Variants in FAM193A observed in about 807,000 individuals in gnomAD.
The protein encoded by FAM193A is family with sequence similarity 193 member A, also known as protein FAM193A.
In FAM193A, 22 loss-of-function variants were observed where a neutral mutation model predicts 126.5. That is an observed-to-expected ratio of 0.17 (90% CI 0.12 to 0.25). FAM193A has a LOEUF of 0.25. FAM193A is among the 10% of genes least tolerant of loss of function. The pLI, the probability that FAM193A is intolerant of heterozygous loss-of-function variation, is 1.00. For missense variants in FAM193A, 1,675 were observed against 1,672.8 expected (o/e 1.00, Z -0.02); for synonymous variants, 761 against 646.8 (o/e 1.18, Z -2.68).
intron 19 of FAM193A, among the ~76,000 whole-genome samples, chr4:2,706,827 A>G (rs185771251): frequency 1.3e-5 from 2 of 151,472 alleles, no homozygotes; most frequent in East Asian, 3.9e-4. Flanking sequence ...GCCTGGCTCC[A>G]TTTAAAAAAA....
At position 2,601,637 on chromosome 4, in the gene FAM193A, C is replaced by T. The variant is rs528662248; in HGVS notation, c.501+5308C>T. Among the ~76,000 whole-genome samples, 15 of 151,190 alleles carry T rather than the reference C, an allele frequency of 9.9e-5. 1 individual carries two copies. Among genetic ancestry groups the T allele is most frequent in the East Asian group, 5.8e-4 (3 of 5,156 alleles). The stretch of plus-strand genomic sequence containing the variant: ...CAGCACAGTGGATCACACCTGTAAC[C>T]GTAGTCTTTGGGAGGCCGAAGCAGG... On this transcript the variant is annotated intron_variant, in intron 2 of 20. Transcript: ENST00000637812.
chr4:2,640,407 C>A (rs923103290), intron 6 of FAM193A, among the ~76,000 whole-genome samples: 1 of 152,164 alleles, frequency 6.6e-6, no homozygotes, highest in Non-Finnish European at 1.5e-5. Context: ...CAGTCACTCA[C>A]TGAGTATTTG....
intron 1 of FAM193A, among the ~76,000 whole-genome samples, chr4:2,564,234 C>T (rs1738797843): frequency 6.6e-6 from 1 of 151,994 alleles, no homozygotes; most frequent in South Asian, 2.1e-4. Context: ...GGCACCTCTA[C>T]CAACCTGGCT....
At chr4:2,651,475 C>G (rs904069659) in intron 7 of FAM193A, among the ~76,000 whole-genome samples, 2 of 152,154 alleles carry the variant, frequency 1.3e-5, no homozygotes, top group Non-Finnish European at 2.9e-5. Context: ...AGGCAAGGCA[C>G]GTCTTACACA....
At chr4:2,582,563 G>A (rs567660114) in intron 1 of FAM193A, among the ~76,000 whole-genome samples, 1 of 152,034 alleles carries the variant, frequency 6.6e-6, no homozygotes, top group African/African-American at 2.4e-5. Flanking sequence ...GTTTTCAGAA[G>A]TAAAGAAGTG....
rs369112103 is a variant in FAM193A, at chr4:2,700,251, C to T, written c.4079C>T (p.Ala1360Val). ...PARRPTEPPK[A>V]TEGQSKPRAQ... ...AGGAGGCCCACAGAGCCCCCCAAGG[C>T]CACAGAGGGGCAGTCCAAGCCCCGG... Residue 1360 changes from alanine (A) to valine (V), a missense_variant, in exon 19 of 21, where the codon GCC becomes GTC. Around this residue, in one of 4 missense-constraint regions of FAM193A, gnomAD observed 415 missense variants for 396.7 expected, o/e 1.05. Transcript: ENST00000637812. The T allele has an allele frequency of 1.5e-5, 24 of 1,614,040 alleles. No individual in the cohort carries two copies. Among genetic ancestry groups the T allele is most frequent in the East Asian group, 6.7e-5 (3 of 44,846 alleles).
intron 5 of FAM193A, among the ~76,000 whole-genome samples, chr4:2,637,966 T>C (rs1744250922): frequency 6.6e-6 from 1 of 152,248 alleles, no homozygotes; most frequent in Non-Finnish European, 1.5e-5. Context: ...TTAGGTTTTA[T>C]TAAAAATGCC....
At chr4:2,673,724 A>C (rs1395322662) in intron 13 of FAM193A, among the ~76,000 whole-genome samples, 1 of 152,180 alleles carries the variant, frequency 6.6e-6, no homozygotes. Context: ...TCTATTACCT[A>C]GTTCCAAGAA....
upstream of FAM193A, among the ~76,000 whole-genome samples, chr4:2,536,216 T>C (rs1736862331): frequency 6.6e-6 from 1 of 151,158 alleles, no homozygotes; most frequent in Non-Finnish European, 1.5e-5. Context: ...CGGAACTCCC[T>C]GCCGCCAGCC....
At chr4:2,548,026 A>C (rs1166567991) in intron 1 of FAM193A, among the ~76,000 whole-genome samples, 1 of 150,176 alleles carries the variant, frequency 6.7e-6, no homozygotes, top group Non-Finnish European at 1.5e-5. Flanking sequence ...TTTATTTGCC[A>C]TTCCTGTATC....
At chr4:2,612,168 T>C (rs533555835) in intron 2 of FAM193A, among the ~76,000 whole-genome samples, 2 of 151,806 alleles carry the variant, frequency 1.3e-5, no homozygotes, top group Non-Finnish European at 2.9e-5. Context: ...TTTGTGCCTT[T>C]GTGTTCCATG....
chr4:2,543,700 A>T (rs1431402493), intron 1 of FAM193A, among the ~76,000 whole-genome samples: 1 of 151,706 alleles, frequency 6.6e-6, no homozygotes, highest in Admixed American at 6.6e-5. Flanking sequence ...CTACTAAAAA[A>T]TGCAAAAATT....
Position 2,639,822 on chromosome 4 carries a change from C to A in FAM193A, c.1126C>A (p.Leu376Ile), listed in dbSNP as rs747086840. The A allele has an allele frequency of 4.3e-6, 7 of 1,614,038 alleles. No individual in the cohort carries two copies. The South Asian group carries it at 7.7e-5, about 18-fold the overall frequency. Reference protein sequence around the residue: ...FENLVFSEPLLQSNLPALVSQ... With the variant: ...FENLVFSEPLIQSNLPALVSQ... ...AAATCTGGTCTTTTCGGAGCCACTT[C>A]TTCAGAGCAACTTGCCCGCACTGGT... Residue 376 changes from leucine to isoleucine, a missense_variant, in exon 6 of 21, where the codon CTT becomes ATT. This residue lies in a region of FAM193A where 1,186 missense variants were observed against 1,109.2 expected (regional missense o/e 1.07). Coordinates refer to ENST00000637812, the MANE Select transcript of FAM193A (RefSeq NM_001366318.2).
chr4:2,671,480 CA>C (rs372374401), intron 12 of FAM193A, among the ~76,000 whole-genome samples: 36 of 152,330 alleles, frequency 2.4e-4, no homozygotes, highest in African/African-American at 8.7e-4. Flanking sequence ...CCGACCGAGT[CA>C]GGGGTGGAGT....
At chr4:2,722,061 G>C (rs1720225818) in intron 20 of FAM193A, among the ~76,000 whole-genome samples, 1 of 152,180 alleles carries the variant, frequency 6.6e-6, no homozygotes, top group East Asian at 1.9e-4. Context: ...AAATTACCAA[G>C]AACTATGGTG....
At position 2,693,654 on chromosome 4, in the gene FAM193A, C is replaced by T. The variant is rs777709500; in HGVS notation, c.2872C>T (p.Pro958Ser). Reference protein sequence around the residue: ...HSAPAAPRNSPTGLAPLPALS... With the variant: ...HSAPAAPRNSSTGLAPLPALS... ...GGCCCCAGCCGCCCCGAGGAATAGC[C>T]CCACGGGCTTGGCCCCCCTCCCAGC... Residue 958 changes from proline to serine, a missense_variant, in exon 16 of 21, where the codon CCC becomes TCC. Pro to Ser is a moderately conservative substitution (Grantham distance 74, BLOSUM62 -1). Around this residue, in one of 4 missense-constraint regions of FAM193A, gnomAD observed 1,186 missense variants for 1,109.2 expected, o/e 1.07. Coordinates refer to ENST00000637812, the MANE Select transcript of FAM193A (RefSeq NM_001366318.2). 5 of 1,614,194 alleles carry T rather than the reference C, an allele frequency of 3.1e-6. No homozygotes were observed. In the Admixed American group the frequency reaches 6.7e-5, roughly 22 times the overall value.
intron 1 of FAM193A, among the ~76,000 whole-genome samples, chr4:2,552,322 G>C (rs1314406630): frequency 6.8e-6 from 1 of 147,232 alleles, no homozygotes; most frequent in South Asian, 2.2e-4. Context: ...ATTTTTTTTT[G>C]GTATTTTTTG....
At chr4:2,670,469 T>C (rs1007783126) in intron 12 of FAM193A, among the ~76,000 whole-genome samples, 4 of 152,122 alleles carry the variant, frequency 2.6e-5, no homozygotes, top group Non-Finnish European at 5.9e-5. Context: ...CTTTTTTTTT[T>C]CCAGACAAGG....
At chr4:2,575,562 G>T (rs929045720) in intron 1 of FAM193A, among the ~76,000 whole-genome samples, 3 of 150,854 alleles carry the variant, frequency 2.0e-5, no homozygotes, top group African/African-American at 4.9e-5. Context: ...TGCTTCCCGG[G>T]TTCAAGTGAT....
Sources: gnomAD v4.1 joint callset for allele counts (sites outside exome capture counted in the v4.1 genomes callset) on GRCh38, gnomAD v4.1.1 for gene constraint, gnomAD v4.1.1 regional missense constraint, MANE v1.5 for transcripts, NCBI Gene and HGNC (gene_info 2026-07-23, HGNC 2026-07-21) for gene names.